Variants in CMIP observed in about 807,000 individuals in gnomAD.
CMIP encodes the protein c-Maf inducing protein.
In CMIP, 13 loss-of-function variants were observed where a neutral mutation model predicts 97.3. That is an observed-to-expected ratio of 0.13 (90% CI 0.09 to 0.21). The LOEUF is 0.21. Ranked by LOEUF, CMIP falls within the 10% of genes least tolerant of loss-of-function variation. The probability of loss-of-function intolerance (pLI) is 1.00; values close to 1 mark genes in which losing one functional copy is unlikely to be tolerated. For missense variants in CMIP, 847 were observed against 1,024.9 expected, an observed-to-expected ratio of 0.83 and a Z score of 2.37; for synonymous variants, 538 against 436.3, an observed-to-expected ratio of 1.23 and a Z score of -2.91.
chr16:81,634,513 G>A (rs2092209045), intron 3 of CMIP, among the ~76,000 whole-genome samples: 1 of 152,140 alleles, frequency 6.6e-6, no homozygotes. Context: ...TGTTTGTGCA[G>A]GTCACTTAGA....
intron 3 of CMIP, chr16:81,651,307 C>A: frequency 2.4e-6 from 1 of 410,462 alleles, no homozygotes; most frequent in Non-Finnish European, 3.3e-6. Context: ...CAGACCTCCG[C>A]CTTCCGAGGG....
intron 1 of CMIP, among the ~76,000 whole-genome samples, chr16:81,570,127 C>T (rs1042039068): frequency 6.6e-6 from 1 of 152,202 alleles, no homozygotes; most frequent in Non-Finnish European, 1.5e-5. Context: ...ACGGGCTTGT[C>T]TGGATCCTTG....
In CMIP at chr16:81,586,529, C is replaced by T. The variant is rs2091385192; in HGVS notation, c.301-21038C>T. On this transcript the variant is annotated intron_variant, in intron 1 of 20. Coordinates refer to ENST00000537098, the MANE Select transcript of CMIP (RefSeq NM_198390.3). ...TTAAATCCCAGTAAGCCCTCACATT[C>T]CTCAGTGATCCGGTGTAACTCCAAG... Among the ~76,000 whole-genome samples, 5 of 152,248 alleles carry T rather than the reference C, an allele frequency of 3.3e-5. No individual in the cohort carries two copies. The South Asian group carries it at 8.3e-4, about 25-fold the overall frequency.
At chr16:81,707,511 G>C (rs553346271) in intron 20 of CMIP, among the ~76,000 whole-genome samples, 22 of 152,306 alleles carry the variant, frequency 1.4e-4, no homozygotes, top group African/African-American at 4.8e-4. Context: ...GCAGAGCAGC[G>C]AGTCATGCTT....
intron 20 of CMIP, among the ~76,000 whole-genome samples, chr16:81,707,371 G>A (rs1028213547): frequency 2.0e-5 from 3 of 152,212 alleles, no homozygotes; most frequent in Non-Finnish European, 4.4e-5. Flanking sequence ...TACCAAGGGC[G>A]AGAGGAAAAG....
chr16:81,600,785 G>A (rs1228790848), intron 1 of CMIP, among the ~76,000 whole-genome samples: 1 of 152,210 alleles, frequency 6.6e-6, no homozygotes, highest in Non-Finnish European at 1.5e-5. Context: ...CAGGGGAGGT[G>A]GGGACTGAAG....
intron 5 of CMIP, among the ~76,000 whole-genome samples, chr16:81,658,179 G>A (rs1367463428): frequency 1.3e-5 from 2 of 152,192 alleles, no homozygotes; most frequent in African/African-American, 2.4e-5. Flanking sequence ...TCTTGCCCCA[G>A]GACATGTCTC....
At chr16:81,505,629 A>G (rs994974468) in intron 1 of CMIP, among the ~76,000 whole-genome samples, 4 of 152,226 alleles carry the variant, frequency 2.6e-5, no homozygotes, top group Non-Finnish European at 5.9e-5. Flanking sequence ...AACTTTGGCC[A>G]AGATCATTTC....
intron 10 of CMIP, among the ~76,000 whole-genome samples, chr16:81,687,749 C>T (rs556668654): frequency 2.4e-4 from 37 of 152,242 alleles, no homozygotes; most frequent in Middle Eastern, 6.8e-3. Flanking sequence ...GTTCTCTGGA[C>T]GCTCCCAGCT....
chr16:81,688,174 T>G (rs1905627268), intron 10 of CMIP, among the ~76,000 whole-genome samples: 1 of 152,228 alleles, frequency 6.6e-6, no homozygotes, highest in African/African-American at 2.4e-5. Context: ...TACCTGGTTC[T>G]GAGTCCAGCT....
rs764139940 is a variant in CMIP, at chr16:81,702,660, C to G, written c.1935C>G (p.Ser645=). 2 of 1,613,438 alleles carry G rather than the reference C, an allele frequency of 1.2e-6. No individual in the cohort carries two copies. Among genetic ancestry groups the G allele is most frequent in the South Asian group, 2.2e-5 (2 of 90,924 alleles). ...GGCCCACCAGGCTAACACTGCCCTC[C>G]AAGTCCACAGTGAGTTGGTTTGGTT... The part of the protein sequence containing the change: ...KGGPTRLTLP[S]KSTDADLARL... The change falls in exon 17 of 21, where the codon TCC becomes TCG. Residue 645 remains serine, a synonymous_variant. Transcript: ENST00000537098.
chr16:81,616,415 T>C lies in CMIP; in HGVS notation c.427-4461T>C, dbSNP rs574524418. Among the ~76,000 whole-genome samples, 1 of 152,332 alleles carries C rather than the reference T, an allele frequency of 6.6e-6. No individual in the cohort carries two copies. The highest frequency in any genetic ancestry group is 2.1e-4 in the South Asian group (1 of 4,820). On this transcript the variant is annotated intron_variant, in intron 2 of 20. Transcript: ENST00000537098. This position sits in a 1 kb window ranked among gnomAD's most constrained non-coding sequence, Gnocchi z 4.7. Reference sequence around the variant, plus strand: ...CCCACTGCCTGCTCCGAGCCTCAGCTTCCTCATCTGTAAGATGGGTGCGTT... The same window carrying C: ...CCCACTGCCTGCTCCGAGCCTCAGCCTCCTCATCTGTAAGATGGGTGCGTT...
At chr16:81,448,987 C>T (rs1375016628) in intron 1 of CMIP, among the ~76,000 whole-genome samples, 2 of 152,220 alleles carry the variant, frequency 1.3e-5, no homozygotes, top group African/African-American at 2.4e-5. Context: ...TCTGCATAAG[C>T]GGCCGGGTTC....
intron 1 of CMIP, chr16:81,476,295 G>A (rs1393606425): frequency 3.2e-6 from 5 of 1,552,408 alleles, no homozygotes; most frequent in Non-Finnish European, 4.4e-6. Flanking sequence ...AGATGGACTT[G>A]CCACCAGTGC....
chr16:81,524,063 C>T (rs979336598), intron 1 of CMIP, among the ~76,000 whole-genome samples: 6 of 152,218 alleles, frequency 3.9e-5, no homozygotes, highest in African/African-American at 1.4e-4. Context: ...AAACTGGCTC[C>T]CTTGGCCTCT....
At position 81,453,299 on chromosome 16, in the gene CMIP, G is replaced by T. The variant is rs540414158; in HGVS notation, c.300+7758G>T. 6.0e-4 allele frequency among the ~76,000 whole-genome samples: 92 copies of T among 152,350 alleles called. No homozygotes were observed. Among genetic ancestry groups the T allele is most frequent in the Non-Finnish European group, 1.1e-3 (74 of 68,028 alleles). ...CTTTTTGGAGGGAAGCACGTGGTCT[G>T]GATCGTCTGGTCCCTGGTGGATATA... On this transcript the variant is annotated intron_variant, in intron 1 of 20. Coordinates refer to ENST00000537098, the MANE Select transcript of CMIP (RefSeq NM_198390.3). This position sits in a 1 kb window ranked among gnomAD's most constrained non-coding sequence, Gnocchi z 4.0.
At chr16:81,533,456 A>G (rs1224274718) in intron 1 of CMIP, among the ~76,000 whole-genome samples, 1 of 152,152 alleles carries the variant, frequency 6.6e-6, no homozygotes, top group East Asian at 1.9e-4. Flanking sequence ...TATTATTGTC[A>G]TTATGTGCTT....
chr16:81,477,052 C>T (rs914821951), intron 1 of CMIP, among the ~76,000 whole-genome samples: 10 of 152,026 alleles, frequency 6.6e-5, no homozygotes, highest in Non-Finnish European at 1.2e-4. Flanking sequence ...ATTCATGCCG[C>T]GTTGAGCTGA....
At chr16:81,506,945 T>A (rs1015824238) in intron 1 of CMIP, among the ~76,000 whole-genome samples, 1 of 149,000 alleles carries the variant, frequency 6.7e-6, no homozygotes, top group African/African-American at 2.5e-5. Flanking sequence ...GCCTTGTTCC[T>A]GAATGTCCTC....
Sources: gnomAD v4.1 joint callset for allele counts (sites outside exome capture counted in the v4.1 genomes callset) on GRCh38, gnomAD v4.1.1 for gene constraint, Gnocchi (gnomAD v3.1) non-coding constraint, MANE v1.5 for transcripts, NCBI Gene and HGNC (gene_info 2026-07-23, HGNC 2026-07-21) for gene names.